CRCP: variants seen among roughly 807,000 people sequenced by gnomAD.
CRCP encodes the protein CGRP receptor component.
In CRCP, 18 loss-of-function variants were observed where a neutral mutation model predicts 18.5. The observed-to-expected ratio is 0.97, with a 90% confidence interval of 0.67 to 1.44. CRCP has a LOEUF of 1.44. Ranked by LOEUF, CRCP falls within the 40% of genes most tolerant of loss-of-function variation. The pLI is 0.00. For synonymous variants in CRCP, 53 were observed against 62.9 expected (o/e 0.84, Z 0.75); for missense variants, 130 against 176.4 (o/e 0.74, Z 1.49).
intron 5 of CRCP, among the ~76,000 whole-genome samples, chr7:66,146,628 G>T (rs1402607087): frequency 6.6e-6 from 1 of 152,128 alleles, no homozygotes; most frequent in Non-Finnish European, 1.5e-5. Context: ...AGGCCACAGG[G>T]TATTTAATTT....
intron 4 of CRCP, among the ~76,000 whole-genome samples, chr7:66,134,663 G>C (rs769155116): frequency 3.3e-5 from 5 of 151,914 alleles, no homozygotes; most frequent in Non-Finnish European, 5.9e-5. Flanking sequence ...AAAAAGACGG[G>C]TGAGGGGAAA....
chr7:66,131,708 A>G (rs1211966952), intron 3 of CRCP, among the ~76,000 whole-genome samples: 4 of 152,152 alleles, frequency 2.6e-5, no homozygotes, highest in Non-Finnish European at 5.9e-5. Context: ...ATCATGAGAA[A>G]GCATCACATC....
intron 1 of CRCP, chr7:66,126,627 C>A (rs1184339392): frequency 4.7e-6 from 2 of 429,090 alleles, no homozygotes; most frequent in Admixed American, 2.6e-5. Context: ...CAAATAATAG[C>A]CTTCCATTAT....
intron 4 of CRCP, among the ~76,000 whole-genome samples, chr7:66,145,133 G>T (rs1788255433): frequency 6.6e-6 from 1 of 152,094 alleles, no homozygotes; most frequent in African/African-American, 2.4e-5. Context: ...ACCAGCCTAG[G>T]CAATAAGAGG....
Position 66,152,602 on chromosome 7 carries a change from C to G in CRCP, c.*245C>G, listed in dbSNP as rs1487498027. 6.2e-6 allele frequency: 3 copies of G among 485,328 alleles called. No individual in the cohort carries two copies. Among genetic ancestry groups the G allele is most frequent in the African/African-American group, 1.9e-5 (1 of 51,292 alleles). The allele number at this position is 485,328 out of a possible 1,614,324, so 30.1% of individuals were successfully genotyped here. On this transcript the variant is annotated 3_prime_UTR_variant, in exon 6 of 6. Coordinates refer to ENST00000395326, the MANE Select transcript of CRCP (RefSeq NM_014478.5). Reference sequence around the variant, plus strand: ...AAGGTGGGGACAGTGACCGCGGACCCCTCTGTGCTTGAAAGATTTCCTCCA... The same window carrying G: ...AAGGTGGGGACAGTGACCGCGGACCGCTCTGTGCTTGAAAGATTTCCTCCA...
intron 2 of CRCP, 24 bp downstream of exon 2, chr7:66,127,764 C>T: frequency 6.2e-7 from 1 of 1,613,196 alleles, no homozygotes; most frequent in African/African-American, 1.3e-5. Flanking sequence ...TTACATTTTC[C>T]TCTCTGATAG....
At chr7:66,144,186 CAT>C (rs1480702467) in intron 4 of CRCP, among the ~76,000 whole-genome samples, 2 of 152,142 alleles carry the variant, frequency 1.3e-5, no homozygotes, top group East Asian at 3.8e-4. Flanking sequence ...TCAGAGTCCA[CAT>C]GATTCAGCCA....
chr7:66,143,528 A>G (rs1584094495), intron 4 of CRCP, among the ~76,000 whole-genome samples: 1 of 151,986 alleles, frequency 6.6e-6, no homozygotes, highest in Non-Finnish European at 1.5e-5. Context: ...TTGAAAAGCC[A>G]TCAGGATCTA....
At chr7:66,137,088 T>TTAA (rs970894819) in intron 4 of CRCP, among the ~76,000 whole-genome samples, 1 of 151,486 alleles carries the variant, frequency 6.6e-6, no homozygotes, top group Non-Finnish European at 1.5e-5. Context: ...AAAAAAAAAT[T>TTAA]TAATAATAAT....
At chr7:66,129,378 T>TAC (rs1584073601) in intron 2 of CRCP, among the ~76,000 whole-genome samples, 1 of 152,174 alleles carries the variant, frequency 6.6e-6, no homozygotes, top group East Asian at 1.9e-4. Context: ...AGCAAACACC[T>TAC]ACTATGGTCC....
chr7:66,127,771 A>G, intron 2 of CRCP, 31 bp downstream of exon 2: 1 of 1,611,950 alleles, frequency 6.2e-7, no homozygotes, highest in Non-Finnish European at 8.5e-7. Context: ...TTCCTCTCTG[A>G]TAGTTTGCCC....
At chr7:66,151,585 A>T (rs2116062845) in intron 5 of CRCP, among the ~76,000 whole-genome samples, 2 of 151,960 alleles carry the variant, frequency 1.3e-5, no homozygotes, top group Middle Eastern at 6.8e-3. Context: ...CAAAAAAAAA[A>T]TTACAGATGT....
At chr7:66,120,331 A>G (rs1787400315) in intron 1 of CRCP, among the ~76,000 whole-genome samples, 1 of 152,216 alleles carries the variant, frequency 6.6e-6, no homozygotes, top group Admixed American at 6.6e-5. Context: ...CTAGGCGTGT[A>G]TATTTTCTGA....
Position 66,153,115 on chromosome 7 carries a change from A to C in CRCP, c.*758A>C, listed in dbSNP as rs76817934. 8.2e-3 allele frequency: 1,252 copies of C among 153,046 alleles called. 10 individuals carry two copies. Among genetic ancestry groups the C allele is most frequent in the Non-Finnish European group, 0.013 (852 of 68,124 alleles). The allele number at this position is 153,046 out of a possible 1,614,324, so 9.5% of individuals were successfully genotyped here. A position where few individuals can be genotyped will look rare whatever the true frequency, so the allele number is the denominator to read the frequency against. ...TTCAGACCAGGTAAGCCTCATTTGC[A>C]CAACAGTCAAATTGTTTGTTCCTTT... On this transcript the variant is annotated 3_prime_UTR_variant, in exon 6 of 6. Transcript: ENST00000395326.
chr7:66,136,592 G>A (rs540599429), intron 4 of CRCP, among the ~76,000 whole-genome samples: 11 of 151,256 alleles, frequency 7.3e-5, no homozygotes, highest in African/African-American at 2.7e-4. Flanking sequence ...TTGAACTCCT[G>A]ACCTCAGGTG....
At chr7:66,139,126 C>CT (rs34445621) in intron 4 of CRCP, among the ~76,000 whole-genome samples, 6 of 151,830 alleles carry the variant, frequency 4.0e-5, no homozygotes, top group Admixed American at 3.3e-4. Context: ...TTTCCTGTCT[C>CT]TTTTTTTAGT....
chr7:66,123,895 A>G (rs1436202524), intron 1 of CRCP, among the ~76,000 whole-genome samples: 3 of 149,504 alleles, frequency 2.0e-5, no homozygotes, highest in Non-Finnish European at 1.5e-5. Context: ...TACTAAAAAA[A>G]TGAGCCGGGC....
intron 4 of CRCP, among the ~76,000 whole-genome samples, chr7:66,144,683 C>T (rs762280497): frequency 8.6e-5 from 13 of 152,044 alleles, no homozygotes; most frequent in African/African-American, 2.4e-4. Context: ...TTTTTAATGT[C>T]GCCCAGGCTG....
In CRCP at chr7:66,145,883, C is replaced by T. The variant is rs957866847; in HGVS notation, c.297+383C>T. Reference sequence around the variant, plus strand: ...CCACCCTTCACCCTGCTCTTGCTTCCTCTCTTTCTGGGTGAGGGGAGCATG... The same window carrying T: ...CCACCCTTCACCCTGCTCTTGCTTCTTCTCTTTCTGGGTGAGGGGAGCATG... On this transcript the variant is annotated intron_variant, in intron 5 of 5. Coordinates refer to ENST00000395326, the MANE Select transcript of CRCP (RefSeq NM_014478.5). 2.0e-5 allele frequency among the ~76,000 whole-genome samples: 3 copies of T among 152,200 alleles called. No individual in the cohort carries two copies. In the East Asian group the frequency reaches 5.8e-4, roughly 29 times the overall value.
Sources: allele counts gnomAD v4.1 joint callset (sites outside exome capture counted in the v4.1 genomes callset), GRCh38; gene constraint gnomAD v4.1.1; transcripts MANE v1.5; gene names NCBI Gene and HGNC (gene_info 2026-07-23, HGNC 2026-07-21).